TENM2: variants seen among roughly 807,000 people sequenced by gnomAD.
TENM2 encodes the protein teneurin-2.
In TENM2, 52 loss-of-function variants were observed where a neutral mutation model predicts 245.2. The ratio of observed to expected loss-of-function variants is 0.21; its 90% CI spans 0.17 to 0.27. The LOEUF is 0.27. Among genes scored for constraint, TENM2 ranks in the 10% least tolerant of loss-of-function variants. TENM2 has a pLI of 1.00. For missense variants in TENM2, 3,046 were observed against 3,666.8 expected (o/e 0.83, Z 4.37); for synonymous variants, 1,363 against 1,438.9 (o/e 0.95, Z 1.19).
the TENM2 span, among the ~76,000 whole-genome samples, chr5:166,979,593 C>T: frequency 6.6e-6 from 1 of 152,136 alleles, no homozygotes; most frequent in Non-Finnish European, 1.5e-5. Context: ...TTCTTGTTTC[C>T]TTTCTGTTGC....
intron 7 of TENM2, among the ~76,000 whole-genome samples, chr5:168,083,345 T>C (rs962644824): frequency 6.6e-6 from 1 of 152,202 alleles, no homozygotes; most frequent in African/African-American, 2.4e-5. Flanking sequence ...CCAGGTACCA[T>C]CTGTCATGGC....
At chr5:167,233,726 TG>T in the TENM2 span, among the ~76,000 whole-genome samples, 35 of 152,210 alleles carry the variant, frequency 2.3e-4, no homozygotes, top group Admixed American at 2.0e-3. Context: ...TAGAAAGAGT[TG>T]TTTTTATAGT....
chr5:167,638,633 G>T (rs1386672594), intron 2 of TENM2, among the ~76,000 whole-genome samples: 1 of 152,204 alleles, frequency 6.6e-6, no homozygotes, highest in Admixed American at 6.5e-5. Flanking sequence ...CAAGCATATA[G>T]ATAGATTATT....
chr5:168,217,049 T>G, intron 22 of TENM2, 127 bp downstream of exon 24: 2 of 1,077,792 alleles, frequency 1.9e-6, no homozygotes, highest in Non-Finnish European at 2.7e-6. Flanking sequence ...CACGGGGTTG[T>G]TTGGAGAAAG....
intron 2 of TENM2, among the ~76,000 whole-genome samples, chr5:167,846,173 C>T (rs1354449917): frequency 1.3e-5 from 2 of 152,208 alleles, no homozygotes; most frequent in Non-Finnish European, 2.9e-5. Context: ...ATGTCTATCT[C>T]CCTCACTGAA....
the TENM2 span, among the ~76,000 whole-genome samples, chr5:167,233,154 T>A: frequency 6.6e-6 from 1 of 152,270 alleles, no homozygotes; most frequent in Admixed American, 6.5e-5. Context: ...GGAGGCCTGA[T>A]AGAGGAAGTG....
chr5:167,951,456 T>C (rs1374908939), intron 3 of TENM2, among the ~76,000 whole-genome samples: 1 of 152,200 alleles, frequency 6.6e-6, no homozygotes, highest in African/African-American at 2.4e-5. Flanking sequence ...GCAAACTACT[T>C]TCATTTTCAT....
intron 4 of TENM2, among the ~76,000 whole-genome samples, chr5:167,991,198 C>A (rs560892737): frequency 1.3e-5 from 2 of 152,190 alleles, no homozygotes; most frequent in East Asian, 3.8e-4. Context: ...GTAGCACCTA[C>A]TGAAGACATC....
chr5:167,944,165 G>A (rs571464932), intron 3 of TENM2, among the ~76,000 whole-genome samples: 1 of 152,258 alleles, frequency 6.6e-6, no homozygotes, highest in South Asian at 2.1e-4. Flanking sequence ...GCCCTATTGG[G>A]GCGGGATGGT....
the TENM2 span, among the ~76,000 whole-genome samples, chr5:167,210,809 G>A: frequency 1.0e-3 from 152 of 152,270 alleles, 1 homozygote; most frequent in South Asian, 2.3e-3. Context: ...TTTCTATGAA[G>A]TTTAAGCATA....
chr5:167,289,143 G>T (rs546663593), intron 1 of TENM2, among the ~76,000 whole-genome samples: 2 of 152,092 alleles, frequency 1.3e-5, no homozygotes, highest in Non-Finnish European at 2.9e-5. Context: ...GTAGGAAAAC[G>T]TTTCGACTGT....
rs142070968 is a variant in TENM2, at chr5:167,884,264, G to A, written c.712+8069G>A. Among the ~76,000 whole-genome samples, 460 of 152,266 alleles carry A rather than the reference G, an allele frequency of 3.0e-3. 1 individual carries two copies. The highest frequency in any genetic ancestry group is 0.011 in the African/African-American group (444 of 41,564). The stretch of plus-strand genomic sequence containing the variant: ...TATTGTGGGCAAATATATATAACAT[G>A]AAATTTACCATTTATACTATTTTTA... On this transcript the variant is annotated intron_variant, in intron 3 of 28. Transcript: ENST00000518659.
intron 3 of TENM2, among the ~76,000 whole-genome samples, chr5:167,926,636 G>T (rs1221737112): frequency 6.6e-6 from 1 of 151,682 alleles, no homozygotes; most frequent in Non-Finnish European, 1.5e-5. Flanking sequence ...CAGGAGAATC[G>T]CTTGAACCCA....
At chr5:168,241,259 GT>G (rs1473784101) in intron 25 of TENM2, 1 of 123,596 alleles carries the variant, frequency 8.1e-6, no homozygotes, top group Admixed American at 8.6e-5. Context: ...TTTTCTTTTT[GT>G]TCTTTTTTTT....
the TENM2 span, among the ~76,000 whole-genome samples, chr5:167,204,626 G>A: frequency 1.3e-5 from 2 of 152,362 alleles, no homozygotes; most frequent in African/African-American, 2.4e-5. Context: ...CGAATTCACT[G>A]TGATGCCAGG....
At chr5:168,136,604 A>G (rs139393000) in intron 12 of TENM2, among the ~76,000 whole-genome samples, 17 of 152,312 alleles carry the variant, frequency 1.1e-4, no homozygotes, top group Non-Finnish European at 2.2e-4. Flanking sequence ...CTTTGAGAAG[A>G]CAAACCTTCA....
chr5:167,881,051 A>G (rs565091167), intron 3 of TENM2, among the ~76,000 whole-genome samples: 5 of 152,094 alleles, frequency 3.3e-5, no homozygotes, highest in Non-Finnish European at 5.9e-5. Context: ...CCTAATATCC[A>G]TCCATGGAGA....
the TENM2 span, among the ~76,000 whole-genome samples, chr5:167,163,430 C>T: frequency 3.9e-5 from 6 of 152,200 alleles, no homozygotes; most frequent in Admixed American, 2.6e-4. Flanking sequence ...ACATTCTTCT[C>T]GGATACAGTG....
chr5:167,842,545 T>C (rs1416690755), intron 2 of TENM2, among the ~76,000 whole-genome samples: 2 of 125,938 alleles, frequency 1.6e-5, no homozygotes, highest in Non-Finnish European at 3.1e-5. Context: ...GCCGAGATCA[T>C]GCCATTGAAC....
Sources: allele counts gnomAD v4.1 joint callset (sites outside exome capture counted in the v4.1 genomes callset), GRCh38; gene constraint gnomAD v4.1.1; transcripts MANE v1.5; gene names NCBI Gene and HGNC (gene_info 2026-07-23, HGNC 2026-07-21).